SPOCK3: variants seen among roughly 807,000 people sequenced by gnomAD.
The protein encoded by SPOCK3 is SPARC (osteonectin), cwcv and kazal like domains proteoglycan 3, also known as testican-3.
Under a neutral mutation model 56.6 loss-of-function variants are expected in SPOCK3, and 30 were observed. The observed-to-expected ratio is 0.53, with a 90% CI of 0.40 to 0.72. The LOEUF (loss-of-function observed/expected upper bound fraction) is 0.72, where lower values mean the gene tolerates loss of function less well. Among genes scored for constraint, SPOCK3 ranks in the 30% least tolerant of loss-of-function variants. SPOCK3 has a pLI of 0.00. For missense variants in SPOCK3, 527 were observed against 530.0 expected, an observed-to-expected ratio of 0.99 and a Z score of 0.06; for synonymous variants, 196 against 183.3, an observed-to-expected ratio of 1.07 and a Z score of -0.56.
chr4:166,849,978 A>C (rs1322190309), intron 6 of SPOCK3, among the ~76,000 whole-genome samples: 4 of 152,144 alleles, frequency 2.6e-5, no homozygotes, highest in Non-Finnish European at 5.9e-5. Flanking sequence ...TTATTCACTT[A>C]TCTCTCAATG....
At chr4:166,961,316 A>G in intron 4 of SPOCK3, among the ~76,000 whole-genome samples, 1 of 152,058 alleles carries the variant, frequency 6.6e-6, no homozygotes, top group Non-Finnish European at 1.5e-5. Flanking sequence ...ATAGAAATGT[A>G]CAAACATTTT....
intron 2 of SPOCK3, among the ~76,000 whole-genome samples, chr4:167,180,974 G>A (rs1731402633): frequency 6.6e-6 from 1 of 151,952 alleles, no homozygotes; most frequent in South Asian, 2.1e-4. Flanking sequence ...ACATTAATTT[G>A]GACTATATTG....
chr4:166,965,633 C>G (rs1371334045), intron 4 of SPOCK3, among the ~76,000 whole-genome samples: 1 of 104,502 alleles, frequency 9.6e-6, no homozygotes. Flanking sequence ...AACTTGTCTA[C>G]TTTATCAAGT....
chr4:167,207,659 T>C (rs72701407), intron 2 of SPOCK3, among the ~76,000 whole-genome samples: 5,118 of 152,256 alleles, frequency 0.034, 99 homozygotes, highest in Admixed American at 0.074. Context: ...TGTTAGACAA[T>C]TTTTGAATAA....
At chr4:166,847,647 T>A (rs1277973088) in intron 6 of SPOCK3, among the ~76,000 whole-genome samples, 31 of 55,394 alleles carry the variant, frequency 5.6e-4, no homozygotes, top group South Asian at 2.1e-3. Context: ...AAATCCTAGT[T>A]TATATATATA....
At chr4:167,211,511 G>A (rs1734869682) in intron 2 of SPOCK3, among the ~76,000 whole-genome samples, 1 of 152,146 alleles carries the variant, frequency 6.6e-6, no homozygotes, top group Non-Finnish European at 1.5e-5. Context: ...TGTGATGTGG[G>A]AGGGACCCTC....
intron 6 of SPOCK3, among the ~76,000 whole-genome samples, chr4:166,867,350 TAGAGA>T (rs1206438997): frequency 6.6e-6 from 1 of 152,024 alleles, no homozygotes; most frequent in Non-Finnish European, 1.5e-5. Context: ...GAGAAAGAGA[TAGAGA>T]AGAGTGTTCC....
chr4:166,873,025 C>T (rs1000347411), intron 6 of SPOCK3, among the ~76,000 whole-genome samples: 4 of 152,066 alleles, frequency 2.6e-5, no homozygotes, highest in Admixed American at 1.3e-4. Flanking sequence ...AGGGAGAGCT[C>T]ATTCACGCCT....
At chr4:167,206,588 A>G (rs1363935582) in intron 2 of SPOCK3, among the ~76,000 whole-genome samples, 1 of 152,130 alleles carries the variant, frequency 6.6e-6, no homozygotes, top group Non-Finnish European at 1.5e-5. Flanking sequence ...TTTGGTAGCT[A>G]ATGAGTCTTG....
chr4:166,917,017 G>A (rs2127116772), intron 4 of SPOCK3, among the ~76,000 whole-genome samples: 1 of 152,184 alleles, frequency 6.6e-6, no homozygotes, highest in Non-Finnish European at 1.5e-5. Context: ...TTGCAATGCT[G>A]GGCTGTCTCA....
intron 4 of SPOCK3, among the ~76,000 whole-genome samples, chr4:166,990,976 T>C (rs1236908426): frequency 6.6e-6 from 1 of 152,180 alleles, no homozygotes; most frequent in Admixed American, 6.6e-5. Flanking sequence ...GTCCATCAAG[T>C]ACTAATTGCT....
intron 3 of SPOCK3, among the ~76,000 whole-genome samples, chr4:167,053,590 CAGG>C (rs1170545368): frequency 2.6e-5 from 4 of 151,972 alleles, no homozygotes; most frequent in Admixed American, 2.6e-4. Context: ...GAGGCTGAGG[CAGG>C]AGAATTGCTT....
chr4:167,166,184 G>C (rs1765746280), intron 2 of SPOCK3, among the ~76,000 whole-genome samples: 1 of 151,910 alleles, frequency 6.6e-6, no homozygotes, highest in Non-Finnish European at 1.5e-5. Flanking sequence ...CTTTGATATT[G>C]TAGAGAACTA....
intron 6 of SPOCK3, among the ~76,000 whole-genome samples, chr4:166,843,238 AG>A (rs2126841316): frequency 6.6e-6 from 1 of 152,322 alleles, no homozygotes; most frequent in African/African-American, 2.4e-5. Context: ...TGGCTCCCAC[AG>A]GGCAGAGGTG....
intron 6 of SPOCK3, among the ~76,000 whole-genome samples, chr4:166,834,338 C>A (rs900796975): frequency 1.3e-5 from 2 of 152,176 alleles, no homozygotes; most frequent in Admixed American, 6.5e-5. Flanking sequence ...TTCTCACACG[C>A]TTTGCCAAAT....
At chr4:167,132,841 A>T (rs1762811570) in intron 2 of SPOCK3, among the ~76,000 whole-genome samples, 2 of 152,106 alleles carry the variant, frequency 1.3e-5, no homozygotes, top group Admixed American at 6.5e-5. Flanking sequence ...TGTCTCTTAT[A>T]TATACACACA....
chr4:166,784,466 C>A (rs558650504), intron 7 of SPOCK3, among the ~76,000 whole-genome samples: 2 of 151,972 alleles, frequency 1.3e-5, no homozygotes, highest in South Asian at 4.2e-4. Context: ...AGTTAAGAGT[C>A]CACAGAATAA....
chr4:166,892,182 T>C (rs1380512830), intron 5 of SPOCK3, among the ~76,000 whole-genome samples: 4 of 152,020 alleles, frequency 2.6e-5, no homozygotes, highest in African/African-American at 7.2e-5. Flanking sequence ...TTCATCAAAA[T>C]ATGTTTCAGC....
chr4:166,822,406 C>G (rs1291307689), intron 6 of SPOCK3, among the ~76,000 whole-genome samples: 1 of 152,006 alleles, frequency 6.6e-6, no homozygotes, highest in Non-Finnish European at 1.5e-5. Flanking sequence ...CACTCTTTGG[C>G]CATCAGAAGC....
Sources: allele counts gnomAD v4.1 joint callset (sites outside exome capture counted in the v4.1 genomes callset), GRCh38; gene constraint gnomAD v4.1.1; transcripts MANE v1.5; gene names NCBI Gene and HGNC (gene_info 2026-07-23, HGNC 2026-07-21).